NOMO1: variants seen among roughly 807,000 people sequenced by gnomAD.
The protein encoded by NOMO1 is nodal modulator 3.
A neutral mutation model predicts 133.8 loss-of-function variants in NOMO1; 40 were observed. The observed-to-expected ratio is 0.30, with a 90% CI of 0.23 to 0.39. The LOEUF (loss-of-function observed/expected upper bound fraction) is 0.39. Among genes scored for constraint, NOMO1 ranks in the 10% least tolerant of loss-of-function variants. The pLI is 1.00. For synonymous variants in NOMO1, 236 were observed against 570.5 expected (o/e 0.41, Z 8.36); for missense variants, 462 against 1,419.9 (o/e 0.33, Z 10.84).
At chr16:14,838,279 C>T (rs1413407522) in intron 1 of NOMO1, 128 bp from the exon 2 acceptor site, 14 of 860,680 alleles carry the variant, frequency 1.6e-5, no homozygotes, top group African/African-American at 1.3e-4. Flanking sequence ...AGTAATGCCC[C>T]GTGTTAAAAG....
At chr16:14,847,065 C>CG (rs1391355783) in intron 5 of NOMO1, among the ~76,000 whole-genome samples, 3 of 149,024 alleles carry the variant, frequency 2.0e-5, no homozygotes, top group African/African-American at 7.5e-5. Context: ...TAGAGTCCCA[C>CG]GGGGGAAGAA....
chr16:14,843,623 C>G (rs983360347), intron 3 of NOMO1, among the ~76,000 whole-genome samples: 1 of 151,818 alleles, frequency 6.6e-6, no homozygotes, highest in African/African-American at 2.4e-5. Flanking sequence ...ATGAAAATTC[C>G]ACTTTTTTGT....
rs1201979737 is a variant in NOMO1, at chr16:14,875,228, C to T, written c.2247C>T (p.Phe749=). 8 of 1,612,384 alleles carry T rather than the reference C, an allele frequency of 5.0e-6. No homozygotes were observed. In the African/African-American group the frequency reaches 8.0e-5, roughly 16 times the overall value. ...QEMVDELQGP[F]SYDFSYWARS... ...TGGTAGATGAGTTACAAGGCCCCTTCTCGTATGATTTCTCTTACTGGGCGC... is the reference window on the plus strand; with the variant it reads ...TGGTAGATGAGTTACAAGGCCCCTTTTCGTATGATTTCTCTTACTGGGCGC... Residue 749 remains phenylalanine, a synonymous_variant, in exon 19 of 31, where the codon TTC becomes TTT. Coordinates refer to ENST00000287667, the MANE Select transcript of NOMO1 (RefSeq NM_014287.4).
intron 20 of NOMO1, among the ~76,000 whole-genome samples, chr16:14,875,993 C>T (rs923827336): frequency 1.4e-5 from 2 of 146,420 alleles, no homozygotes; most frequent in Non-Finnish European, 1.5e-5. Flanking sequence ...AGCAGGCAGG[C>T]TGTTTGGGGC....
At chr16:14,866,947 A>G (rs368687577) in intron 15 of NOMO1, among the ~76,000 whole-genome samples, 1 of 149,080 alleles carries the variant, frequency 6.7e-6, no homozygotes. Context: ...GACCTTTGGT[A>G]CAGTGCAGAG....
At chr16:14,842,159 T>G (rs1025655196) in intron 3 of NOMO1, among the ~76,000 whole-genome samples, 1 of 150,980 alleles carries the variant, frequency 6.6e-6, no homozygotes. Context: ...TTTGATGTAG[T>G]TTACATTTTT....
At chr16:14,892,826 C>G (rs1964425858) in intron 29 of NOMO1, among the ~76,000 whole-genome samples, 1 of 148,498 alleles carries the variant, frequency 6.7e-6, no homozygotes, top group African/African-American at 2.5e-5. Flanking sequence ...AACCAGGACT[C>G]AAGTGAGGCG....
intron 2 of NOMO1, among the ~76,000 whole-genome samples, chr16:14,839,805 G>C (rs1230455890): frequency 4.0e-5 from 6 of 150,984 alleles, no homozygotes; most frequent in African/African-American, 1.5e-4. Flanking sequence ...GCAGTGGCGC[G>C]ATCTCGGCTC....
chr16:14,877,153 TTG>T (rs1162296302), intron 22 of NOMO1, among the ~76,000 whole-genome samples: 1 of 142,156 alleles, frequency 7.0e-6, no homozygotes, highest in Non-Finnish European at 1.5e-5. Context: ...GGATATACTG[TTG>T]TTTTTTTTTT....
At chr16:14,893,617 G>T (rs2151013985) in intron 29 of NOMO1, among the ~76,000 whole-genome samples, 1 of 151,950 alleles carries the variant, frequency 6.6e-6, no homozygotes, top group African/African-American at 2.4e-5. Context: ...ATTTATGAAA[G>T]GGCATCCCAG....
intron 22 of NOMO1, among the ~76,000 whole-genome samples, chr16:14,878,457 G>A (rs1964190757): frequency 9.6e-6 from 1 of 104,496 alleles, no homozygotes; most frequent in African/African-American, 4.0e-5. Context: ...TTGTGCCACT[G>A]CACTCCAGCC....
intron 9 of NOMO1, among the ~76,000 whole-genome samples, chr16:14,855,642 C>T (rs1238014133): frequency 6.6e-6 from 1 of 151,944 alleles, no homozygotes; most frequent in African/African-American, 2.4e-5. Context: ...GAAGCCTTTA[C>T]TTTGCTTCTC....
At chr16:14,863,209 T>A in intron 12 of NOMO1, 22 bp downstream of exon 12, 1 of 1,517,550 alleles carries the variant, frequency 6.6e-7, no homozygotes, top group South Asian at 1.3e-5. Context: ...TGTTTTAAAT[T>A]TAAAATGTTT....
chr16:14,865,603 G>GC (rs1963983597), intron 14 of NOMO1, among the ~76,000 whole-genome samples: 1 of 146,946 alleles, frequency 6.8e-6, no homozygotes, highest in South Asian at 2.1e-4. Flanking sequence ...AGTTTATAAA[G>GC]CCCGTTGTGC....
intron 22 of NOMO1, among the ~76,000 whole-genome samples, chr16:14,877,685 A>G (rs530007830): frequency 6.3e-3 from 949 of 151,134 alleles, no homozygotes; most frequent in African/African-American, 0.022. Flanking sequence ...TACTGAGGAA[A>G]TGTGCTAAGG....
intron 6 of NOMO1, among the ~76,000 whole-genome samples, chr16:14,850,702 G>C (rs1435642203): frequency 6.6e-6 from 1 of 151,702 alleles, no homozygotes; most frequent in Non-Finnish European, 1.5e-5. Context: ...ACTTATAATT[G>C]ATGATAGTTT....
At chr16:14,888,711 G>A (rs1482018776) in intron 28 of NOMO1, 1 of 323,362 alleles carries the variant, frequency 3.1e-6, no homozygotes, top group East Asian at 8.5e-5. Flanking sequence ...TCGTCCCTTT[G>A]AAGTCAGCCC....
intron 11 of NOMO1, among the ~76,000 whole-genome samples, chr16:14,860,517 G>A (rs535192040): frequency 2.0e-4 from 31 of 152,002 alleles, no homozygotes; most frequent in African/African-American, 3.1e-4. Context: ...TGAGGCAGTG[G>A]TGGTTGTCTG....
intron 9 of NOMO1, among the ~76,000 whole-genome samples, chr16:14,855,993 A>T (rs1234336475): frequency 6.6e-6 from 1 of 152,108 alleles, no homozygotes; most frequent in East Asian, 1.9e-4. Flanking sequence ...AAATAAAAAA[A>T]TAAAAAAGAA....
Sources: gnomAD v4.1 joint callset for allele counts (sites outside exome capture counted in the v4.1 genomes callset) on GRCh38, gnomAD v4.1.1 for gene constraint, MANE v1.5 for transcripts, NCBI Gene and HGNC (gene_info 2026-07-23, HGNC 2026-07-21) for gene names.